THSD7B: variants seen among roughly 807,000 people sequenced by gnomAD.
THSD7B encodes the protein thrombospondin type-1 domain-containing protein 7B.
A neutral mutation model predicts 213.6 loss-of-function variants in THSD7B; 138 were observed. The ratio of observed to expected loss-of-function variants is 0.65; its 90% CI spans 0.56 to 0.74. The LOEUF (loss-of-function observed/expected upper bound fraction) is 0.74, where lower values mean the gene tolerates loss of function less well. Ranked by LOEUF, THSD7B falls within the 30% of genes least tolerant of loss-of-function variation. The pLI, the probability that THSD7B is intolerant of heterozygous loss-of-function variation, is 0.00. For missense variants in THSD7B, 1,931 were observed against 1,991.5 expected (o/e 0.97, Z 0.58); for synonymous variants, 742 against 687.0 (o/e 1.08, Z -1.25).
intron 2 of THSD7B, among the ~76,000 whole-genome samples, chr2:136,959,172 G>A (rs1685178211): frequency 1.3e-5 from 2 of 152,202 alleles, no homozygotes; most frequent in Non-Finnish European, 2.9e-5. Context: ...CAGCTATTTT[G>A]ATATAACAGT....
At chr2:137,535,989 G>T (rs1219780894) in intron 15 of THSD7B, among the ~76,000 whole-genome samples, 1 of 150,914 alleles carries the variant, frequency 6.6e-6, no homozygotes, top group Non-Finnish European at 1.5e-5. Flanking sequence ...AGATAAATAG[G>T]CAAGGTTTGG....
intron 7 of THSD7B, among the ~76,000 whole-genome samples, chr2:137,217,417 C>T (rs1681273977): frequency 6.6e-6 from 1 of 152,126 alleles, no homozygotes; most frequent in Non-Finnish European, 1.5e-5. Context: ...AATCTTACCT[C>T]ATTTAATTAT....
At chr2:136,841,925 C>T (rs1180518461) in intron 1 of THSD7B, among the ~76,000 whole-genome samples, 1 of 152,124 alleles carries the variant, frequency 6.6e-6, no homozygotes, top group East Asian at 1.9e-4. Flanking sequence ...ATTATTGCAG[C>T]TGTATGTATC....
chr2:136,892,482 T>C (rs1683878921), intron 2 of THSD7B, among the ~76,000 whole-genome samples: 1 of 151,342 alleles, frequency 6.6e-6, no homozygotes, highest in Non-Finnish European at 1.5e-5. Context: ...AATAGGAACA[T>C]TTTTTCTACT....
Position 137,056,489 on chromosome 2 carries a change from A to G in THSD7B, c.209A>G (p.His70Arg). The G allele has an allele frequency of 6.2e-7, 1 of 1,614,000 alleles. No homozygotes were observed. The highest frequency in any genetic ancestry group is 8.5e-7 in the Non-Finnish European group (1 of 1,179,884). ...GVQSRAVWCF[H>R]VDGWTSHLSN... Reference sequence around the variant, plus strand: ...CAGAGTCGGGCAGTGTGGTGTTTTCATGTTGACGGGTGGACAAGTCACCTG... The same window carrying G: ...CAGAGTCGGGCAGTGTGGTGTTTTCGTGTTGACGGGTGGACAAGTCACCTG... Residue 70 changes from histidine (H) to arginine (R), a missense_variant, in exon 3 of 28, where the codon CAT becomes CGT. Transcript: ENST00000409968.
chr2:137,609,139 G>A (rs1052703425), intron 17 of THSD7B, among the ~76,000 whole-genome samples: 1 of 152,118 alleles, frequency 6.6e-6, no homozygotes, highest in Non-Finnish European at 1.5e-5. Context: ...CCCTTGCAAA[G>A]CTTGCGTTGT....
intron 10 of THSD7B, among the ~76,000 whole-genome samples, chr2:137,257,122 C>T (rs538396368): frequency 2.0e-5 from 3 of 152,260 alleles, no homozygotes; most frequent in African/African-American, 7.2e-5. Context: ...AATCCAGTCA[C>T]CTCTTAAAGG....
chr2:137,137,130 T>G (rs1339683925), intron 5 of THSD7B, among the ~76,000 whole-genome samples: 2 of 152,162 alleles, frequency 1.3e-5, no homozygotes, highest in Admixed American at 6.5e-5. Flanking sequence ...AAATCCTCAT[T>G]CATACTTTAT....
chr2:137,450,871 C>T lies in THSD7B; in HGVS notation c.2986C>T (p.Pro996Ser). 2 of 1,608,968 alleles carry T rather than the reference C, an allele frequency of 1.2e-6. No homozygotes were observed. Among genetic ancestry groups the T allele is most frequent in the Non-Finnish European group, 1.7e-6 (2 of 1,177,710 alleles). Residue 996 changes from proline to serine, a missense_variant, in exon 15 of 28, where the codon CCC (proline) becomes TCC (serine). Pro to Ser is a moderately conservative substitution (Grantham distance 74, BLOSUM62 -1). Coordinates refer to ENST00000409968, the MANE Select transcript of THSD7B (RefSeq NM_001316349.2). ...SGYIQEKCVI[P>S]CPFDCKLSDW... The stretch of plus-strand genomic sequence containing the variant: ...TTACATTCAAGAAAAATGTGTCATT[C>T]CCTGCCCATTTGATTGCAAGTTAAG...
intron 14 of THSD7B, among the ~76,000 whole-genome samples, chr2:137,425,671 ATT>A (rs1687039077): frequency 6.6e-6 from 1 of 152,146 alleles, no homozygotes; most frequent in Admixed American, 6.5e-5. Flanking sequence ...CCGAGGGTTG[ATT>A]GTATTTAAAA....
At chr2:137,238,640 G>A (rs1287301781) in intron 9 of THSD7B, among the ~76,000 whole-genome samples, 2 of 129,962 alleles carry the variant, frequency 1.5e-5, no homozygotes, top group South Asian at 2.7e-4. Flanking sequence ...TGCAAGCTCC[G>A]CTTCCCGGGT....
rs56349408 is a variant in THSD7B, at chr2:136,827,770, TGAGAGAGA to T, written c.-35-54357_-35-54350del. 3.0e-4 allele frequency among the ~76,000 whole-genome samples: 44 copies of T among 146,400 alleles called. 1 individual carries two copies. Among genetic ancestry groups the T allele is most frequent in the African/African-American group, 5.0e-4 (20 of 39,986 alleles). ...AGATATTTAGAGAGTTACACTGAAA[TGAGAGAGA>T]GAGAGAGAGAGAGAGATTGAGAGAG... On this transcript the variant is annotated intron_variant, in intron 1 of 27. Coordinates refer to ENST00000409968, the MANE Select transcript of THSD7B (RefSeq NM_001316349.2).
chr2:136,814,589 G>T (rs1445685007), intron 1 of THSD7B, among the ~76,000 whole-genome samples: 1 of 152,006 alleles, frequency 6.6e-6, no homozygotes, highest in East Asian at 1.9e-4. Flanking sequence ...TAGTAGAGAC[G>T]GGGTTTCACC....
chr2:136,844,462 C>CAGAGAGAGAGAGAGAGAGAGAG (rs56716402), intron 1 of THSD7B, among the ~76,000 whole-genome samples: 51 of 142,610 alleles, frequency 3.6e-4, no homozygotes, highest in East Asian at 2.4e-3. Context: ...CCACCCAAAA[C>CAGAGAGAGAGAGAGAGAGAGAG]AGAGAGAGAG....
intron 12 of THSD7B, among the ~76,000 whole-genome samples, chr2:137,401,197 G>A (rs1374342120): frequency 1.3e-5 from 2 of 152,152 alleles, no homozygotes; most frequent in African/African-American, 4.8e-5. Flanking sequence ...TAATTAATAT[G>A]TTTTTAAACT....
At chr2:137,077,347 G>C (rs997977958) in intron 3 of THSD7B, among the ~76,000 whole-genome samples, 2 of 152,130 alleles carry the variant, frequency 1.3e-5, no homozygotes, top group African/African-American at 2.4e-5. Flanking sequence ...ACCCAGTAAT[G>C]GGATGGCTGG....
At chr2:137,157,295 G>A (rs552950734) in intron 5 of THSD7B, among the ~76,000 whole-genome samples, 1 of 152,252 alleles carries the variant, frequency 6.6e-6, no homozygotes, top group African/African-American at 2.4e-5. Flanking sequence ...TGCCCATGGG[G>A]TCTCCACTGT....
chr2:137,386,854 G>A (rs1354641790), intron 12 of THSD7B, among the ~76,000 whole-genome samples: 1 of 152,164 alleles, frequency 6.6e-6, no homozygotes, highest in Admixed American at 6.5e-5. Flanking sequence ...TAAGAGGGCT[G>A]CCTGACTATC....
chr2:136,936,928 C>G (rs1296949045), intron 2 of THSD7B, among the ~76,000 whole-genome samples: 2 of 152,056 alleles, frequency 1.3e-5, no homozygotes, highest in African/African-American at 4.8e-5. Context: ...CAAACCCAGT[C>G]ATGTCTCTTC....
Sources: allele counts gnomAD v4.1 joint callset (sites outside exome capture counted in the v4.1 genomes callset), GRCh38; gene constraint gnomAD v4.1.1; transcripts MANE v1.5; gene names NCBI Gene and HGNC (gene_info 2026-07-23, HGNC 2026-07-21).